EPM2A: variants seen among roughly 807,000 people sequenced by gnomAD.
EPM2A encodes the protein EPM2A glucan phosphatase, laforin, also known as laforin.
EPM2A carries 21 observed loss-of-function variants against 26.5 expected under a neutral mutation model. That is an observed-to-expected ratio of 0.79 (90% CI 0.56 to 1.14). The LOEUF is 1.14. EPM2A is among the 50% of genes most tolerant of loss of function. EPM2A has a pLI of 0.00. For missense variants in EPM2A, 458 were observed against 440.8 expected (o/e 1.04, Z -0.35); for synonymous variants, 217 against 177.6 (o/e 1.22, Z -1.76).
intron 1 of EPM2A, among the ~76,000 whole-genome samples, chr6:145,726,933 T>C (rs918418943): frequency 2.0e-5 from 3 of 152,180 alleles, no homozygotes; most frequent in African/African-American, 7.2e-5. Flanking sequence ...AGTGTCATAC[T>C]AATATAAAAT....
intron 2 of EPM2A, among the ~76,000 whole-genome samples, chr6:145,576,218 GA>G (rs2114830662): frequency 6.6e-6 from 1 of 152,228 alleles, no homozygotes; most frequent in East Asian, 1.9e-4. Context: ...TACAATTCTA[GA>G]ATTCTCAGAA....
chr6:145,444,228 C>T (rs1201335621), intron 4 of EPM2A, among the ~76,000 whole-genome samples: 2 of 152,134 alleles, frequency 1.3e-5, no homozygotes, highest in Non-Finnish European at 2.9e-5. Flanking sequence ...ACGATGTTGG[C>T]TGTGGGTTTG....
At chr6:145,547,723 T>A (rs986374571) in intron 2 of EPM2A, among the ~76,000 whole-genome samples, 9 of 152,124 alleles carry the variant, frequency 5.9e-5, no homozygotes, top group Non-Finnish European at 1.2e-4. Flanking sequence ...CTCTTGCTAT[T>A]GAACAGAAAA....
At chr6:145,669,401 G>A (rs1310428188) in intron 2 of EPM2A, among the ~76,000 whole-genome samples, 1 of 152,162 alleles carries the variant, frequency 6.6e-6, no homozygotes, top group Non-Finnish European at 1.5e-5. Context: ...CCACAAAAGA[G>A]TGGACTATGA....
chr6:145,685,200 C>G (rs1780820051), intron 2 of EPM2A, among the ~76,000 whole-genome samples: 1 of 151,886 alleles, frequency 6.6e-6, no homozygotes, highest in African/African-American at 2.4e-5. Context: ...ATTCTATAAG[C>G]CTTGAAATTA....
At chr6:145,674,106 G>A (rs1779850091) in intron 2 of EPM2A, among the ~76,000 whole-genome samples, 3 of 152,176 alleles carry the variant, frequency 2.0e-5, no homozygotes, top group Admixed American at 2.0e-4. Flanking sequence ...GGATCAGGCA[G>A]CAATATTTGC....
At chr6:145,591,987 T>C (rs1326710986) in intron 2 of EPM2A, among the ~76,000 whole-genome samples, 1 of 152,142 alleles carries the variant, frequency 6.6e-6, no homozygotes, top group Non-Finnish European at 1.5e-5. Flanking sequence ...TAAGTTTATA[T>C]TCATTAGAAA....
At chr6:145,471,565 T>C (rs1779473280) in intron 4 of EPM2A, among the ~76,000 whole-genome samples, 1 of 151,872 alleles carries the variant, frequency 6.6e-6, no homozygotes, top group African/African-American at 2.4e-5. Flanking sequence ...CCTTCCCCAC[T>C]CCCCACTCCA....
At chr6:145,701,002 T>C (rs774361506) in intron 1 of EPM2A, among the ~76,000 whole-genome samples, 55 of 152,180 alleles carry the variant, frequency 3.6e-4, no homozygotes, top group Non-Finnish European at 7.4e-5. Flanking sequence ...ACTAGAAATA[T>C]ACAGCTAGTT....
intron 1 of EPM2A, among the ~76,000 whole-genome samples, chr6:145,734,096 T>C (rs1190149510): frequency 2.0e-5 from 3 of 152,234 alleles, no homozygotes; most frequent in African/African-American, 7.2e-5. Context: ...TTCACTTCTT[T>C]GAATCCACTC....
intron 4 of EPM2A, among the ~76,000 whole-genome samples, chr6:145,390,175 C>T (rs752582440): frequency 1.4e-4 from 21 of 152,098 alleles, no homozygotes; most frequent in Admixed American, 8.5e-4. Flanking sequence ...AGTTGCAGTT[C>T]GCTGGCTGAA....
intron 4 of EPM2A, among the ~76,000 whole-genome samples, chr6:145,456,678 G>A (rs1779266750): frequency 1.3e-5 from 2 of 152,154 alleles, no homozygotes; most frequent in Non-Finnish European, 1.5e-5. Context: ...GGAATTGGAG[G>A]TAGAGAATAT....
intron 2 of EPM2A, among the ~76,000 whole-genome samples, chr6:145,523,149 A>G (rs745648868): frequency 2.0e-5 from 3 of 152,136 alleles, no homozygotes; most frequent in Non-Finnish European, 4.4e-5. Context: ...TTGTTTTTTC[A>G]GTTGAACTTT....
At chr6:145,658,037 C>A (rs530633763) in intron 2 of EPM2A, among the ~76,000 whole-genome samples, 2 of 152,082 alleles carry the variant, frequency 1.3e-5, no homozygotes, top group Non-Finnish European at 2.9e-5. Flanking sequence ...GCTATGTGTA[C>A]CTTTATGTGC....
downstream of EPM2A, among the ~76,000 whole-genome samples, chr6:145,624,923 T>G (rs548154653): frequency 2.6e-5 from 4 of 152,370 alleles, no homozygotes; most frequent in South Asian, 4.1e-4. Context: ...GATAGAAAGA[T>G]AATGTTTCAA....
At chr6:145,732,434 C>G (rs1026506047) in intron 1 of EPM2A, among the ~76,000 whole-genome samples, 1 of 147,630 alleles carries the variant, frequency 6.8e-6, no homozygotes, top group Non-Finnish European at 1.5e-5. Context: ...ATATATATAT[C>G]AGAAAGCCAT....
chr6:145,481,986 C>T (rs1039220147), intron 4 of EPM2A, among the ~76,000 whole-genome samples: 1 of 151,248 alleles, frequency 6.6e-6, no homozygotes, highest in African/African-American at 2.4e-5. Context: ...AAATCTTATG[C>T]CTGACTCAAC....
Position 145,673,936 on chromosome 6 carries a change from G to C in EPM2A, c.476+12186C>G, listed in dbSNP as rs529110097. Among the ~76,000 whole-genome samples, 18 of 152,306 alleles carry C rather than the reference G, an allele frequency of 1.2e-4. No homozygotes were observed. In the East Asian group the frequency reaches 3.5e-3, roughly 29 times the overall value. ...TCTGAAGAGAGCAGTGGTTCTCCCA[G>C]CAGTGGTTCTCCCAGCATTTGAGCA... On this transcript the variant is annotated intron_variant, in intron 2 of 3. Coordinates refer to ENST00000367519, the MANE Select transcript of EPM2A (RefSeq NM_005670.4).
intron 2 of EPM2A, chr6:145,637,200 G>C (rs1239668364): frequency 6.6e-6 from 1 of 152,212 alleles, no homozygotes; most frequent in African/African-American, 2.4e-5. Context: ...GCATTGTAAA[G>C]ATTATTCAGT....
Sources: gnomAD v4.1 joint callset for allele counts (sites outside exome capture counted in the v4.1 genomes callset) on GRCh38, gnomAD v4.1.1 for gene constraint, MANE v1.5 for transcripts, NCBI Gene and HGNC (gene_info 2026-07-23, HGNC 2026-07-21) for gene names.